OPCML: variants seen among roughly 807,000 people sequenced by gnomAD.
The protein encoded by OPCML is opioid binding protein/cell adhesion molecule like.
Under a neutral mutation model 37.8 loss-of-function variants are expected in OPCML, and 13 were observed. The ratio of observed to expected loss-of-function variants is 0.34; its 90% CI spans 0.22 to 0.55. OPCML has a LOEUF of 0.55. OPCML is among the 20% of genes least tolerant of loss of function. The pLI is 0.91. For missense variants in OPCML, 341 were observed against 435.6 expected, an observed-to-expected ratio of 0.78 and a Z score of 1.93; for synonymous variants, 176 against 168.8, an observed-to-expected ratio of 1.04 and a Z score of -0.33.
chr11:132,936,532 G>A (rs567417793), intron 2 of OPCML, among the ~76,000 whole-genome samples: 4 of 152,004 alleles, frequency 2.6e-5, no homozygotes, highest in South Asian at 2.1e-4. Flanking sequence ...GCATGTCCCC[G>A]CCCCACAACC....
chr11:132,494,740 T>C (rs2096226020), intron 4 of OPCML, among the ~76,000 whole-genome samples: 1 of 152,144 alleles, frequency 6.6e-6, no homozygotes, highest in African/African-American at 2.4e-5. Context: ...TAATATTTTT[T>C]AAAAAACAAA....
At chr11:133,356,729 G>C (rs554745541) in intron 1 of OPCML, among the ~76,000 whole-genome samples, 1 of 152,266 alleles carries the variant, frequency 6.6e-6, no homozygotes, top group South Asian at 2.1e-4. Context: ...TCCAGGTTTT[G>C]TCTGTGGTTA....
intron 3 of OPCML, among the ~76,000 whole-genome samples, chr11:132,576,158 T>C (rs1260496257): frequency 6.6e-6 from 1 of 152,136 alleles, no homozygotes; most frequent in Non-Finnish European, 1.5e-5. Context: ...ATTTTACTTG[T>C]TACTTTTTGG....
At chr11:133,405,599 T>C (rs982881436) in intron 1 of OPCML, among the ~76,000 whole-genome samples, 15 of 152,314 alleles carry the variant, frequency 9.8e-5, no homozygotes, top group African/African-American at 3.6e-4. Flanking sequence ...TCCTTCAGCC[T>C]CTCTCCTGAA....
At chr11:132,662,728 T>G (rs1942037647) in intron 2 of OPCML, among the ~76,000 whole-genome samples, 1 of 152,224 alleles carries the variant, frequency 6.6e-6, no homozygotes, top group Non-Finnish European at 1.5e-5. Flanking sequence ...GGTTGAATGT[T>G]TATAACTCTA....
chr11:132,724,668 T>A (rs61396216), intron 2 of OPCML, among the ~76,000 whole-genome samples: 1 of 152,240 alleles, frequency 6.6e-6, no homozygotes, highest in African/African-American at 2.4e-5. Flanking sequence ...AAGTCTCATC[T>A]GAGACAATGC....
intron 1 of OPCML, among the ~76,000 whole-genome samples, chr11:132,981,860 T>C (rs548001230): frequency 2.9e-4 from 44 of 152,210 alleles, no homozygotes; most frequent in Non-Finnish European, 5.6e-4. Flanking sequence ...GGTTCTGTGT[T>C]AGGCGTTTCA....
intron 2 of OPCML, among the ~76,000 whole-genome samples, chr11:132,748,687 G>C (rs1052770725): frequency 6.6e-6 from 1 of 152,124 alleles, no homozygotes; most frequent in Non-Finnish European, 1.5e-5. Context: ...TGACTCTGAA[G>C]AAGACGGAAA....
At chr11:133,062,377 T>C (rs1459058406) in intron 1 of OPCML, among the ~76,000 whole-genome samples, 1 of 152,228 alleles carries the variant, frequency 6.6e-6, no homozygotes, top group Non-Finnish European at 1.5e-5. Flanking sequence ...ATCGGTGTCT[T>C]CTCGAGCCTT....
chr11:133,426,770 C>T (rs982680798), intron 1 of OPCML, among the ~76,000 whole-genome samples: 6 of 152,110 alleles, frequency 3.9e-5, no homozygotes, highest in African/African-American at 9.7e-5. Context: ...GAGGAAGAGC[C>T]TCAGAATCAG....
chr11:132,503,198 G>A (rs756033515), intron 4 of OPCML, among the ~76,000 whole-genome samples: 4 of 152,124 alleles, frequency 2.6e-5, no homozygotes, highest in African/African-American at 4.8e-5. Flanking sequence ...TTGCATCTCC[G>A]TTGGCTGGTG....
chr11:133,019,268 G>T (rs1161425599), intron 1 of OPCML, among the ~76,000 whole-genome samples: 1 of 152,198 alleles, frequency 6.6e-6, no homozygotes, highest in Non-Finnish European at 1.5e-5. Context: ...CATGGGAGAA[G>T]TTCTTGTGTC....
intron 2 of OPCML, among the ~76,000 whole-genome samples, chr11:132,897,780 C>T (rs1268085640): frequency 6.6e-6 from 1 of 152,150 alleles, no homozygotes; most frequent in Non-Finnish European, 1.5e-5. Context: ...TGATTAGGTA[C>T]TGATTCACAG....
At chr11:132,950,772 G>A (rs1945840355) in intron 1 of OPCML, among the ~76,000 whole-genome samples, 6 of 152,162 alleles carry the variant, frequency 3.9e-5, no homozygotes, top group Admixed American at 3.9e-4. Flanking sequence ...CCAACCCCGT[G>A]AGATGTAACC....
chr11:133,172,501 A>C (rs1950301190), intron 1 of OPCML, among the ~76,000 whole-genome samples: 2 of 152,144 alleles, frequency 1.3e-5, no homozygotes, highest in African/African-American at 4.8e-5. Context: ...AGGCCCAGAG[A>C]GAGGGAGAAT....
intron 1 of OPCML, among the ~76,000 whole-genome samples, chr11:133,063,586 A>C (rs1303079380): frequency 7.2e-6 from 1 of 138,226 alleles, no homozygotes; most frequent in Non-Finnish European, 1.6e-5. Context: ...TTTCGGAGGG[A>C]GTTTTGCTCT....
At chr11:132,447,205 A>AGT (rs1427534796) in intron 4 of OPCML, among the ~76,000 whole-genome samples, 3 of 152,222 alleles carry the variant, frequency 2.0e-5, no homozygotes, top group African/African-American at 7.2e-5. Context: ...TTCGTATAGC[A>AGT]GTGTCAGGAA....
chr11:132,563,147 A>G (rs1419318807), intron 3 of OPCML, among the ~76,000 whole-genome samples: 3 of 152,148 alleles, frequency 2.0e-5, no homozygotes, highest in Non-Finnish European at 4.4e-5. Context: ...AATTTAAGCC[A>G]TCGTTAACAC....
At chr11:132,468,794 A>G (rs576281814) in intron 4 of OPCML, among the ~76,000 whole-genome samples, 46 of 152,298 alleles carry the variant, frequency 3.0e-4, no homozygotes, top group African/African-American at 1.1e-3. Flanking sequence ...AAAGTCTCAA[A>G]CTAAATTAGG....
Sources: allele counts gnomAD v4.1 joint callset (sites outside exome capture counted in the v4.1 genomes callset), GRCh38; gene constraint gnomAD v4.1.1; transcripts MANE v1.5; gene names NCBI Gene and HGNC (gene_info 2026-07-23, HGNC 2026-07-21).